Variants in SAMD14 observed in about 807,000 individuals in gnomAD.
SAMD14 encodes sterile alpha motif domain containing 14, also known as sterile alpha motif domain-containing protein 14.
Under a neutral mutation model 46.2 loss-of-function variants are expected in SAMD14, and 27 were observed. The ratio of observed to expected loss-of-function variants is 0.58; its 90% CI spans 0.43 to 0.81. The LOEUF (loss-of-function observed/expected upper bound fraction) is 0.81. Among genes scored for constraint, SAMD14 ranks in the 30% least tolerant of loss-of-function variants. The pLI is 0.00. For synonymous variants in SAMD14, 241 were observed against 254.3 expected (o/e 0.95, Z 0.50); for missense variants, 559 against 582.2 (o/e 0.96, Z 0.41).
chr17:50,116,172 T>C, intron 4 of SAMD14, 82 bp from the exon 5 acceptor site: 3 of 1,515,296 alleles, frequency 2.0e-6, no homozygotes, highest in Non-Finnish European at 2.7e-6. Context: ...GTGGTAGAAA[T>C]TCTCTTGACT....
chr17:50,116,107 G>A lies in SAMD14; in HGVS notation c.500-17C>T. The A allele has an allele frequency of 2.5e-6, 4 of 1,605,918 alleles. No individual in the cohort carries two copies. Among genetic ancestry groups the A allele is most frequent in the South Asian group, 2.2e-5 (2 of 90,520 alleles). ...GGCTGTCATCTTTCCAGGGAGAGAAGGAAGGAAACTGCCTGTTTGCTGCCC... is the reference window on the plus strand; with the variant it reads ...GGCTGTCATCTTTCCAGGGAGAGAAAGAAGGAAACTGCCTGTTTGCTGCCC... On this transcript the variant is annotated splice_polypyrimidine_tract_variant and intron_variant, in intron 4 of 9. Transcript: ENST00000330175.
chr17:50,113,581 G>C (rs1910992110), intron 9 of SAMD14: 1 of 340,540 alleles, frequency 2.9e-6, no homozygotes, highest in Non-Finnish European at 5.5e-6. Context: ...AGACCAAGCT[G>C]ACCAGGGGGA....
rs1167761603 is a variant in SAMD14, at chr17:50,129,261, T to C, written c.-13+256A>G. ...CGCCGGGCAAGAAAGAGTTAAGCCC[T>C]CTCCCCCTCCCCCCACACCAGCTTT... On this transcript the variant is annotated intron_variant, in intron 1 of 9. Transcript: ENST00000330175. The surrounding 1 kb of genome is among the most constrained non-coding windows in gnomAD (Gnocchi z 5.6). Among the ~76,000 whole-genome samples, 3 of 150,744 alleles carry C rather than the reference T, an allele frequency of 2.0e-5. No individual in the cohort carries two copies. Among genetic ancestry groups the C allele is most frequent in the Non-Finnish European group, 4.4e-5 (3 of 67,712 alleles).
Position 50,113,159 on chromosome 17 carries a change from C to G in SAMD14, c.1099-111G>C, listed in dbSNP as rs969386688. Reference sequence around the variant, plus strand: ...GTACTCTGTGGAGCTCCAAATCCTCCCTGGAGTGGAGCCTCCGCCTCCCAC... The same window carrying G: ...GTACTCTGTGGAGCTCCAAATCCTCGCTGGAGTGGAGCCTCCGCCTCCCAC... On this transcript the variant is annotated intron_variant, in intron 9 of 9. Coordinates refer to ENST00000330175, the MANE Select transcript of SAMD14 (RefSeq NM_001257359.2). The G allele has an allele frequency of 6.1e-6, 8 of 1,302,440 alleles. No individual in the cohort carries two copies. In the Admixed American group the frequency reaches 2.0e-4, roughly 32 times the overall value. The allele number at this position is 1,302,440 out of a possible 1,614,324, so 80.7% of individuals were successfully genotyped here.
At chr17:50,113,244 G>C (rs1259471876) in intron 9 of SAMD14, 196 bp from the exon 10 acceptor site, 7 of 606,850 alleles carry the variant, frequency 1.2e-5, no homozygotes, top group Non-Finnish European at 2.0e-5. Flanking sequence ...AGTGTGGTTG[G>C]GAAAGATGAG....
rs1480389996 is a variant in SAMD14, at chr17:50,112,469, G to C, written c.*424C>G. The C allele has an allele frequency of 6.2e-6, 1 of 160,582 alleles. No individual in the cohort carries two copies. Among genetic ancestry groups the C allele is most frequent in the African/African-American group, 2.4e-5 (1 of 41,592 alleles). 9.9% of individuals were successfully genotyped at this position (160,582 alleles called of 1,614,324 possible). A position where few individuals can be genotyped will look rare whatever the true frequency, so the allele number is the denominator to read the frequency against. ...GGCTCCTGCTGAAATGCCCAGCCCA[G>C]CTCTGAGCCCTGGGGCCCGGCCTCA... On this transcript the variant is annotated 3_prime_UTR_variant, in exon 10 of 10. Transcript: ENST00000330175.
chr17:50,119,959 T>A (rs1443222434), intron 2 of SAMD14, among the ~76,000 whole-genome samples: 1 of 152,220 alleles, frequency 6.6e-6, no homozygotes, highest in Non-Finnish European at 1.5e-5. Flanking sequence ...CTGCTTTCCC[T>A]ACCATCCTAC....
chr17:50,122,532 T>A (rs1325047653), intron 2 of SAMD14, among the ~76,000 whole-genome samples: 2 of 152,200 alleles, frequency 1.3e-5, no homozygotes, highest in African/African-American at 4.8e-5. Flanking sequence ...GCTTTGATCA[T>A]CTGTCCCCCT....
intron 1 of SAMD14, 186 bp from the exon 2 acceptor site, chr17:50,125,157 G>C (rs557476944): frequency 3.4e-6 from 2 of 583,936 alleles, no homozygotes; most frequent in Non-Finnish European, 6.1e-6. Flanking sequence ...GGTGGGCGCC[G>C]GGGCAGGCAG....
intron 2 of SAMD14, 152 bp downstream of exon 2, chr17:50,124,765 G>GCACGCGCACGCGCA: frequency 3.2e-6 from 2 of 634,208 alleles, no homozygotes; most frequent in Admixed American, 2.7e-5. Flanking sequence ...GCGTGCACGC[G>GCACGCGCACGCGCA]CGCGCGCACA....
chr17:50,124,166 C>T lies in SAMD14; in HGVS notation c.43+751G>A, dbSNP rs772362091. The T allele has an allele frequency of 3.3e-5, 15 of 456,216 alleles. 1 individual carries two copies. The highest frequency in any genetic ancestry group is 9.4e-5 in the Admixed American group (4 of 42,586). 28.3% of individuals were successfully genotyped at this position (456,216 alleles called of 1,614,324 possible). A position where few individuals can be genotyped will look rare whatever the true frequency, so the allele number is the denominator to read the frequency against. Reference sequence around the variant, plus strand: ...GAATCCCGCTGGGAAACCGGCTTTCCGCCCCAGTGCATGCTGGGAACTCTG... The same window carrying T: ...GAATCCCGCTGGGAAACCGGCTTTCTGCCCCAGTGCATGCTGGGAACTCTG... On this transcript the variant is annotated intron_variant, in intron 2 of 9. Transcript: ENST00000330175.
intron 2 of SAMD14, among the ~76,000 whole-genome samples, chr17:50,124,547 C>T (rs1911655012): frequency 6.6e-6 from 1 of 152,096 alleles, no homozygotes; most frequent in Non-Finnish European, 1.5e-5. Context: ...GAAAGCAAGT[C>T]ACTTCAGCCC....
Position 50,111,728 on chromosome 17 carries a change from CCA to C in SAMD14, c.*1163_*1164del, listed in dbSNP as rs1490451232. The C allele has an allele frequency of 6.6e-6, 1 of 152,290 alleles. No homozygotes were observed. Among genetic ancestry groups the C allele is most frequent in the Non-Finnish European group, 1.5e-5 (1 of 68,100 alleles). The allele number at this position is 152,290 out of a possible 1,614,324, so 9.4% of individuals were successfully genotyped here. On this transcript the variant is annotated 3_prime_UTR_variant, in exon 10 of 10. Coordinates refer to ENST00000330175, the MANE Select transcript of SAMD14 (RefSeq NM_001257359.2). ...AAGCGGGACTAGCTGCTGACCAGCGCCACACATGAACACTTCCTCCAAGGACA... is the reference window on the plus strand; with the variant it reads ...AAGCGGGACTAGCTGCTGACCAGCGCCACATGAACACTTCCTCCAAGGACA...
At chr17:50,125,424 G>C (rs896496025) in intron 1 of SAMD14, 1 of 174,902 alleles carries the variant, frequency 5.7e-6, no homozygotes, top group South Asian at 1.4e-4. Context: ...GAAACAGAAG[G>C]GGGAGTGATT....
In SAMD14 at chr17:50,129,016, G is replaced by A. The variant is rs562713028; in HGVS notation, c.-13+501C>T. Among the ~76,000 whole-genome samples, 4 of 152,220 alleles carry A rather than the reference G, an allele frequency of 2.6e-5. No individual in the cohort carries two copies. Among genetic ancestry groups the A allele is most frequent in the Non-Finnish European group, 5.9e-5 (4 of 68,028 alleles). On this transcript the variant is annotated intron_variant, in intron 1 of 9. Transcript: ENST00000330175. The surrounding 1 kb of genome is among the most constrained non-coding windows in gnomAD (Gnocchi z 5.6). ...GATGGGAAAGGAGACTAGCGGTCGGGGAGGCAGTTGTGGAGCCAGAGAGGT... is the reference window on the plus strand; with the variant it reads ...GATGGGAAAGGAGACTAGCGGTCGGAGAGGCAGTTGTGGAGCCAGAGAGGT...
At chr17:50,124,765 GCGCGCGCACA>G (rs1911676866) in intron 2 of SAMD14, 142 bp downstream of exon 2, 6 of 634,206 alleles carry the variant, frequency 9.5e-6, no homozygotes, top group East Asian at 2.9e-5. Context: ...GCGTGCACGC[GCGCGCGCACA>G]CACACACACA....
intron 2 of SAMD14, among the ~76,000 whole-genome samples, chr17:50,122,572 A>G (rs1339959002): frequency 6.6e-6 from 1 of 152,090 alleles, no homozygotes; most frequent in Non-Finnish European, 1.5e-5. Flanking sequence ...TTTGAGCTCC[A>G]TGAGGACAGT....
intron 4 of SAMD14, chr17:50,116,400 CTTT>C (rs10596441): frequency 0.12 from 15,405 of 132,320 alleles, 606 homozygotes; most frequent in East Asian, 0.34. Context: ...TCCTGGCCAA[CTTT>C]TTTTTTTTTT....
Position 50,114,176 on chromosome 17 carries a change from G to T in SAMD14, c.942+11C>A. The T allele has an allele frequency of 1.2e-6, 2 of 1,614,140 alleles. No homozygotes were observed. The highest frequency in any genetic ancestry group is 1.7e-6 in the Non-Finnish European group (2 of 1,180,024). ...AGGACTCCGTGGGCACCCTGGGCCAGCCTTGCTCACCTCATCTGAAGACTG... is the reference window on the plus strand; with the variant it reads ...AGGACTCCGTGGGCACCCTGGGCCATCCTTGCTCACCTCATCTGAAGACTG... On this transcript the variant is annotated intron_variant, in intron 8 of 9. Transcript: ENST00000330175.
Sources: gnomAD v4.1 joint callset for allele counts (sites outside exome capture counted in the v4.1 genomes callset) on GRCh38, gnomAD v4.1.1 for gene constraint, Gnocchi (gnomAD v3.1) non-coding constraint, MANE v1.5 for transcripts, NCBI Gene and HGNC (gene_info 2026-07-23, HGNC 2026-07-21) for gene names.